The following KIAA1549L variants were observed in gnomAD, a reference collection of about 807,000 sequenced individuals.
The protein encoded by KIAA1549L is KIAA1549 like.
In KIAA1549L, 88 loss-of-function variants were observed where a neutral mutation model predicts 160.7. The ratio of observed to expected loss-of-function variants is 0.55; its 90% CI spans 0.46 to 0.65. The LOEUF (loss-of-function observed/expected upper bound fraction) is 0.65. Among genes scored for constraint, KIAA1549L ranks in the 30% least tolerant of loss-of-function variants. The pLI is 0.00. For synonymous variants in KIAA1549L, 950 were observed against 976.7 expected (o/e 0.97, Z 0.51); for missense variants, 2,258 against 2,437.5 (o/e 0.93, Z 1.55).
At chr11:33,633,044 C>T (rs1287705736) in intron 16 of KIAA1549L, among the ~76,000 whole-genome samples, 4 of 150,940 alleles carry the variant, frequency 2.7e-5, no homozygotes, top group South Asian at 2.1e-4. Flanking sequence ...GGTGTGGTCT[C>T]AGCTCACTGC....
intron 1 of KIAA1549L, among the ~76,000 whole-genome samples, chr11:33,476,023 A>G (rs1852278214): frequency 1.3e-5 from 2 of 152,158 alleles, no homozygotes; most frequent in Non-Finnish European, 2.9e-5. Context: ...TTGGCTGTAG[A>G]TCACACACAT....
intron 1 of KIAA1549L, among the ~76,000 whole-genome samples, chr11:33,515,627 A>C (rs1853326664): frequency 6.6e-6 from 1 of 152,224 alleles, no homozygotes; most frequent in Non-Finnish European, 1.5e-5. Flanking sequence ...TCAGGTGTGG[A>C]AATGGTTACT....
intron 1 of KIAA1549L, among the ~76,000 whole-genome samples, chr11:33,532,738 A>T (rs1853802728): frequency 6.6e-6 from 1 of 152,130 alleles, no homozygotes; most frequent in East Asian, 1.9e-4. Flanking sequence ...TTTGTTAAAG[A>T]GCTATTAGTG....
rs373571191 is a variant in KIAA1549L, at chr11:33,380,272, A to C, written c.238+3383A>C. ...CCTGTTACAATACCCAGCACAGAACAGGAATTTCTTAAATTTTCAGTCTCT... is the reference window on the plus strand; with the variant it reads ...CCTGTTACAATACCCAGCACAGAACCGGAATTTCTTAAATTTTCAGTCTCT... On this transcript the variant is annotated intron_variant, in intron 1 of 20. Coordinates refer to ENST00000658780, the MANE Select transcript of KIAA1549L (RefSeq NM_012194.3). Among the ~76,000 whole-genome samples, 152 of 152,252 alleles carry C rather than the reference A, an allele frequency of 1.0e-3. 1 individual carries two copies. The highest frequency in any genetic ancestry group is 3.5e-3 in the African/African-American group (147 of 41,546).
At chr11:33,532,349 T>G (rs760252071) in intron 1 of KIAA1549L, among the ~76,000 whole-genome samples, 4 of 152,226 alleles carry the variant, frequency 2.6e-5, no homozygotes, top group Non-Finnish European at 4.4e-5. Flanking sequence ...TGAGCAAAAC[T>G]TTGATGGCAT....
chr11:33,435,350 T>TAAA (rs1404434773), intron 1 of KIAA1549L, among the ~76,000 whole-genome samples: 1 of 152,120 alleles, frequency 6.6e-6, no homozygotes, highest in Non-Finnish European at 1.5e-5. Context: ...ACATTTGCTT[T>TAAA]ATAGAAAGAC....
Position 33,551,185 on chromosome 11 carries a change from C to A in KIAA1549L, c.3647C>A (p.Pro1216Gln). ...ACTGCAGACCTGAAGCAACACACCC[C>A]ACACTTACAGTCTGTGGCAGTACTT... The part of the protein sequence containing the change: ...NVTADLKQHT[P>Q]HLQSVAVLAS... Residue 1216 changes from proline to glutamine, a missense_variant, in exon 5 of 21, where the codon CCA becomes CAA. By Grantham distance (76) the Pro-to-Gln change is moderately conservative. Coordinates refer to ENST00000658780, the MANE Select transcript of KIAA1549L (RefSeq NM_012194.3). 1 of 1,613,974 alleles carries A rather than the reference C, an allele frequency of 6.2e-7. No individual in the cohort carries two copies. The highest frequency in any genetic ancestry group is 1.3e-5 in the African/African-American group (1 of 75,048).
intron 1 of KIAA1549L, among the ~76,000 whole-genome samples, chr11:33,498,268 C>A (rs531954763): frequency 6.2e-4 from 94 of 152,308 alleles, no homozygotes; most frequent in African/African-American, 2.2e-3. Flanking sequence ...TTCACTCTGC[C>A]CTTCTTCCTC....
Position 33,670,167 on chromosome 11 carries a change from CCTG to C in KIAA1549L, c.*2016_*2018del, listed in dbSNP as rs772195613. 37 of 152,312 alleles carry C rather than the reference CCTG, an allele frequency of 2.4e-4. No individual in the cohort carries two copies. The highest frequency in any genetic ancestry group is 1.6e-4 in the Non-Finnish European group (11 of 68,036). 9.4% of individuals were successfully genotyped at this position (152,312 alleles called of 1,614,324 possible). A position where few individuals can be genotyped will look rare whatever the true frequency, so the allele number is the denominator to read the frequency against. ...AGTCTGATAAAATCAGCTACATTGT[CCTG>C]CTTTATCAATAATAATATTTCATTA... On this transcript the variant is annotated 3_prime_UTR_variant, in exon 21 of 21. Transcript: ENST00000658780.
rs61580338 is a variant in KIAA1549L, at chr11:33,459,960, C to CA, written c.239-81825dup. Among the ~76,000 whole-genome samples the CA allele has an allele frequency of 7.8e-3, 525 of 67,158 alleles. 32 individuals carry two copies. The highest frequency in any genetic ancestry group is 0.033 in the African/African-American group (451 of 13,548). 44.1% of individuals were successfully genotyped at this position (67,158 alleles called of 152,430 possible). On this transcript the variant is annotated intron_variant, in intron 1 of 20. Transcript: ENST00000658780. ...TGGGCGACAGAGCGAGACTCCGTCTCAAAAAAAAAAAAAAAAAGAAATAGC... is the reference window on the plus strand; with the variant it reads ...TGGGCGACAGAGCGAGACTCCGTCTCAAAAAAAAAAAAAAAAAAGAAATAGC...
intron 13 of KIAA1549L, among the ~76,000 whole-genome samples, chr11:33,602,984 C>T (rs1163149614): frequency 2.6e-5 from 4 of 152,090 alleles, no homozygotes; most frequent in Non-Finnish European, 5.9e-5. Flanking sequence ...CACCTTACCC[C>T]GTTCAGTTTG....
At chr11:33,574,963 C>T in intron 10 of KIAA1549L, 90 bp downstream of exon 10, 1 of 1,099,484 alleles carries the variant, frequency 9.1e-7, no homozygotes, top group Non-Finnish European at 1.4e-6. Flanking sequence ...TGTTAATGGT[C>T]TCAGAGCTAA....
intron 16 of KIAA1549L, among the ~76,000 whole-genome samples, chr11:33,630,131 G>A (rs895216587): frequency 2.0e-5 from 3 of 151,848 alleles, no homozygotes; most frequent in African/African-American, 7.3e-5. Context: ...GAGGCAGTCT[G>A]CCCGTTCTCA....
intron 17 of KIAA1549L, among the ~76,000 whole-genome samples, chr11:33,647,216 C>G (rs894586158): frequency 6.6e-6 from 1 of 151,988 alleles, no homozygotes; most frequent in African/African-American, 2.4e-5. Flanking sequence ...GAAACCCCAT[C>G]TAAACAAAAA....
At chr11:33,632,767 A>G (rs1181418981) in intron 16 of KIAA1549L, among the ~76,000 whole-genome samples, 1 of 151,482 alleles carries the variant, frequency 6.6e-6, no homozygotes, top group Non-Finnish European at 1.5e-5. Flanking sequence ...TTATTTATTT[A>G]TTTTTGTAGA....
At chr11:33,537,072 T>A (rs1305164453) in intron 1 of KIAA1549L, among the ~76,000 whole-genome samples, 2 of 152,248 alleles carry the variant, frequency 1.3e-5, no homozygotes, top group African/African-American at 2.4e-5. Context: ...CCTGCTGTTC[T>A]TGATCTAGCT....
chr11:33,564,754 ACTTGGGCC>A (rs1854990411), intron 8 of KIAA1549L, among the ~76,000 whole-genome samples: 1 of 139,290 alleles, frequency 7.2e-6, no homozygotes. Context: ...TGAGCAAGCC[ACTTGGGCC>A]ATGTGGACTT....
intron 1 of KIAA1549L, among the ~76,000 whole-genome samples, chr11:33,407,549 G>T (rs570031064): frequency 1.3e-5 from 2 of 151,886 alleles, no homozygotes; most frequent in South Asian, 4.2e-4. Context: ...GGGTTTCACC[G>T]TGTTGGCCAG....
At chr11:33,520,701 AC>A (rs1433576638) in intron 1 of KIAA1549L, among the ~76,000 whole-genome samples, 2 of 69,686 alleles carry the variant, frequency 2.9e-5, no homozygotes, top group African/African-American at 5.0e-5. Context: ...ACACACACAC[AC>A]ACACACACAC....
Sources: allele counts gnomAD v4.1 joint callset (sites outside exome capture counted in the v4.1 genomes callset), GRCh38; gene constraint gnomAD v4.1.1; transcripts MANE v1.5; gene names NCBI Gene and HGNC (gene_info 2026-07-23, HGNC 2026-07-21).